Variants in TMEM19 observed in about 807,000 individuals in gnomAD.
TMEM19 encodes transmembrane protein 19.
In TMEM19, 21 loss-of-function variants were observed where a neutral mutation model predicts 33.6. The observed-to-expected ratio is 0.62, with a 90% CI of 0.44 to 0.90. The LOEUF is 0.90. Among genes scored for constraint, TMEM19 ranks in the 40% least tolerant of loss-of-function variants. The pLI, the probability that TMEM19 is intolerant of heterozygous loss-of-function variation, is 0.00. For missense variants in TMEM19, 402 were observed against 401.8 expected (o/e 1.00, Z 0.00); for synonymous variants, 149 against 147.5 (o/e 1.01, Z -0.07).
At chr12:71,694,239 T>C (rs779605399) in intron 2 of TMEM19, among the ~76,000 whole-genome samples, 71 of 152,242 alleles carry the variant, frequency 4.7e-4, no homozygotes, top group Non-Finnish European at 7.8e-4. Context: ...AGAGCGAGCA[T>C]TGCCAGAATA....
intron 2 of TMEM19, among the ~76,000 whole-genome samples, chr12:71,692,167 A>G (rs1881796984): frequency 2.0e-5 from 3 of 152,220 alleles, no homozygotes; most frequent in Non-Finnish European, 2.9e-5. Flanking sequence ...ATTGTTAGTG[A>G]TTATGTAGTT....
rs1035672366 is a variant in TMEM19 at position 71,704,831 on chromosome 12, A to G, written c.*3836A>G. On this transcript the variant is annotated 3_prime_UTR_variant, in exon 6 of 6. Transcript: ENST00000266673. ...AGCAAGACTCCATCTTGAAAAAAAAAGGAAAACACAATTATGTGGCTTAAT... is the reference window on the plus strand; with the variant it reads ...AGCAAGACTCCATCTTGAAAAAAAAGGGAAAACACAATTATGTGGCTTAAT... The G allele has an allele frequency of 2.9e-4, 44 of 152,224 alleles. No individual in the cohort carries two copies. Among genetic ancestry groups the G allele is most frequent in the African/African-American group, 1.0e-3 (42 of 41,444 alleles). The allele number at this position is 152,224 out of a possible 1,614,324, so 9.4% of individuals were successfully genotyped here.
chr12:71,691,166 A>G (rs1483548180), intron 2 of TMEM19, among the ~76,000 whole-genome samples: 1 of 152,214 alleles, frequency 6.6e-6, no homozygotes, highest in Non-Finnish European at 1.5e-5. Context: ...GTTCTTCAAA[A>G]TCATGCCAAT....
At chr12:71,686,900 T>C (rs939816362) in intron 1 of TMEM19, 90 bp downstream of exon 1, 1 of 1,250,286 alleles carries the variant, frequency 8.0e-7, no homozygotes, top group Non-Finnish European at 1.1e-6. Context: ...TCATATCCTC[T>C]GAATGGTTAT....
At chr12:71,692,919 G>A (rs968640373) in intron 2 of TMEM19, among the ~76,000 whole-genome samples, 6 of 151,788 alleles carry the variant, frequency 4.0e-5, no homozygotes, top group African/African-American at 1.5e-4. Flanking sequence ...TTATGGCCAG[G>A]TATGGTGGCT....
chr12:71,704,039 A>G lies in TMEM19; in HGVS notation c.*3044A>G, dbSNP rs746590356. ...GAGCTCTATGTAACAGCATAATAAA[A>G]CTGCCTACCTAGCAGCATAAAGGTG... On this transcript the variant is annotated 3_prime_UTR_variant, in exon 6 of 6. Transcript: ENST00000266673. The G allele has an allele frequency of 6.6e-6, 3 of 452,818 alleles. No individual in the cohort carries two copies. The highest frequency in any genetic ancestry group is 3.3e-4 in the Middle Eastern group (1 of 3,004). The allele number at this position is 452,818 out of a possible 1,614,324, so 28.1% of individuals were successfully genotyped here. A position where few individuals can be genotyped will look rare whatever the true frequency, so the allele number is the denominator to read the frequency against.
In TMEM19 at chr12:71,703,437, A is replaced by G. The variant is rs369531924; in HGVS notation, c.*2442A>G. The G allele has an allele frequency of 6.6e-6, 1 of 152,294 alleles. No individual in the cohort carries two copies. Among genetic ancestry groups the G allele is most frequent in the African/African-American group, 2.4e-5 (1 of 41,552 alleles). The allele number at this position is 152,294 out of a possible 1,614,324, so 9.4% of individuals were successfully genotyped here. A position where few individuals can be genotyped will look rare whatever the true frequency, so the allele number is the denominator to read the frequency against. ...GTGTCAGTTTTCACACAGCCTGCAC[A>G]TCGTTCTGACATGCCCTTTTTTTCC... On this transcript the variant is annotated 3_prime_UTR_variant, in exon 6 of 6. Coordinates refer to ENST00000266673, the MANE Select transcript of TMEM19 (RefSeq NM_018279.4).
rs879187717 is a variant in TMEM19, at chr12:71,686,463, CG to C, written c.-216del. 3.3e-5 allele frequency: 14 copies of C among 427,388 alleles called. No homozygotes were observed. In the South Asian group the frequency reaches 3.7e-4, roughly 11 times the overall value. The allele number at this position is 427,388 out of a possible 1,614,324, so 26.5% of individuals were successfully genotyped here. On this transcript the variant is annotated 5_prime_UTR_variant, in exon 1 of 6. Transcript: ENST00000266673. ...TCCGCCGGGTTGCGCTCTGCTTTTG[CG>C]GTGAGGCGTTGACCACGCCCATATG...
chr12:71,697,892 T>C (rs2137598349), intron 4 of TMEM19, among the ~76,000 whole-genome samples: 1 of 152,280 alleles, frequency 6.6e-6, no homozygotes, highest in Middle Eastern at 3.4e-3. Context: ...ATCAACATTA[T>C]CAACAACTAC....
At chr12:71,698,415 A>G (rs1279782640) in intron 4 of TMEM19, among the ~76,000 whole-genome samples, 10 of 152,214 alleles carry the variant, frequency 6.6e-5, no homozygotes, top group African/African-American at 2.4e-4. Flanking sequence ...AAGAAGTTAG[A>G]TAAATTAACT....
intron 2 of TMEM19, among the ~76,000 whole-genome samples, chr12:71,691,422 T>C (rs1323734474): frequency 6.6e-6 from 1 of 151,902 alleles, no homozygotes; most frequent in Non-Finnish European, 1.5e-5. Flanking sequence ...TATAACATAA[T>C]TTGAACAATC....
chr12:71,687,076 G>A (rs946999717), intron 1 of TMEM19, among the ~76,000 whole-genome samples: 3 of 151,280 alleles, frequency 2.0e-5, no homozygotes, highest in Non-Finnish European at 2.9e-5. Context: ...GTGTTGCTAG[G>A]CTGGTCTCAA....
At chr12:71,697,838 C>A (rs1327220125) in intron 4 of TMEM19, among the ~76,000 whole-genome samples, 2 of 152,154 alleles carry the variant, frequency 1.3e-5, no homozygotes, top group East Asian at 1.9e-4. Context: ...TATTGAGGGC[C>A]TGTTAGGATA....
chr12:71,693,102 G>T (rs1346713834), intron 2 of TMEM19, among the ~76,000 whole-genome samples: 2 of 151,970 alleles, frequency 1.3e-5, no homozygotes, highest in Admixed American at 6.6e-5. Context: ...GGCTGAGGCA[G>T]GAGAACCGCT....
rs1881931920 is a variant in TMEM19 at position 71,699,089 on chromosome 12, G to A, written c.827G>A (p.Gly276Glu). The change falls in exon 5 of 6, where the codon GGG becomes GAG. Residue 276 changes from glycine (G) to glutamate (E), a missense_variant. By Grantham distance (98) the Gly-to-Glu change is moderately conservative. Coordinates refer to ENST00000266673, the MANE Select transcript of TMEM19 (RefSeq NM_018279.4). The part of the protein sequence containing the change: ...LLGSIVDSYL[G>E]ATMQYTGLDE... ...GGATCAATTGTGGACTCATACTTAG[G>A]GGCTACAATGCAGTATACTGGTAAG... 6.2e-7 allele frequency: 1 copy of A among 1,614,064 alleles called. No homozygotes were observed. Among genetic ancestry groups the A allele is most frequent in the East Asian group, 2.2e-5 (1 of 44,884 alleles).
chr12:71,698,125 G>T (rs1881907279), intron 4 of TMEM19, among the ~76,000 whole-genome samples: 1 of 152,174 alleles, frequency 6.6e-6, no homozygotes, highest in African/African-American at 2.4e-5. Context: ...AGCAATTCAA[G>T]TAAAGAGAAT....
chr12:71,687,467 G>A (rs1881713086), intron 1 of TMEM19, among the ~76,000 whole-genome samples: 1 of 151,972 alleles, frequency 6.6e-6, no homozygotes, highest in South Asian at 2.1e-4. Context: ...GGAGGCAGGA[G>A]AATCACTTGA....
chr12:71,686,315 C>G lies in TMEM19; in HGVS notation c.-366C>G, dbSNP rs1881685592. On this transcript the variant is annotated 5_prime_UTR_variant, in exon 1 of 6. Coordinates refer to ENST00000266673, the MANE Select transcript of TMEM19 (RefSeq NM_018279.4). ...CGGCCCGCGGGTGAGAAGGTTGCGA[C>G]GGGAGGTGGGTGGAACTCGCCAGCG... 2 of 246,986 alleles carry G rather than the reference C, an allele frequency of 8.1e-6. No individual in the cohort carries two copies. Among genetic ancestry groups the G allele is most frequent in the Non-Finnish European group, 1.6e-5 (2 of 126,720 alleles). The allele number at this position is 246,986 out of a possible 1,614,324, so 15.3% of individuals were successfully genotyped here.
intron 5 of TMEM19, among the ~76,000 whole-genome samples, chr12:71,700,550 A>T (rs1376873047): frequency 6.6e-6 from 1 of 152,164 alleles, no homozygotes; most frequent in Admixed American, 6.5e-5. Context: ...AGAGGTATTG[A>T]CAGAAAATTA....
Sources: gnomAD v4.1 joint callset for allele counts (sites outside exome capture counted in the v4.1 genomes callset) on GRCh38, gnomAD v4.1.1 for gene constraint, MANE v1.5 for transcripts, NCBI Gene and HGNC (gene_info 2026-07-23, HGNC 2026-07-21) for gene names.